C12orf42: variants seen among roughly 807,000 people sequenced by gnomAD.
C12orf42 encodes chromosome 12 open reading frame 42.
A neutral mutation model predicts 21.6 loss-of-function variants in C12orf42; 25 were observed. The observed-to-expected ratio is 1.16, with a 90% CI of 0.84 to 1.62. C12orf42 has a LOEUF of 1.62. C12orf42 is among the 40% of genes most tolerant of loss of function. C12orf42 has a pLI of 0.00. For synonymous variants in C12orf42, 174 were observed against 175.0 expected, an observed-to-expected ratio of 0.99 and a Z score of 0.05; for missense variants, 483 against 459.3, an observed-to-expected ratio of 1.05 and a Z score of -0.47.
chr12:103,296,456 G>T (rs2037294342), intron 4 of C12orf42, among the ~76,000 whole-genome samples: 1 of 152,162 alleles, frequency 6.6e-6, no homozygotes, highest in African/African-American at 2.4e-5. Context: ...CACAATGGTT[G>T]AACTAGCTTA....
chr12:103,147,503 CTTT>C, the C12orf42 span, among the ~76,000 whole-genome samples: 15 of 99,978 alleles, frequency 1.5e-4, no homozygotes, highest in Admixed American at 3.2e-4. Context: ...CTTTTTTTTT[CTTT>C]TTTTTTTTTT....
At chr12:103,303,670 TC>T (rs2037985371) in intron 5 of C12orf42, among the ~76,000 whole-genome samples, 1 of 152,204 alleles carries the variant, frequency 6.6e-6, no homozygotes, top group Non-Finnish European at 1.5e-5. Context: ...CGAACTCTGT[TC>T]TATGCCTAGT....
intron 10 of C12orf42, among the ~76,000 whole-genome samples, chr12:103,246,167 C>T (rs183334029): frequency 1.3e-3 from 194 of 152,122 alleles, no homozygotes; most frequent in Admixed American, 1.6e-3. Context: ...TCATAGTAAA[C>T]GGAAATAAAC....
intron 2 of C12orf42, among the ~76,000 whole-genome samples, chr12:103,404,495 A>C (rs879496742): frequency 2.0e-5 from 3 of 152,234 alleles, no homozygotes; most frequent in Admixed American, 1.3e-4. Flanking sequence ...GAAGGTTGCT[A>C]AATGAAAGCA....
At chr12:103,156,825 A>C in the C12orf42 span, among the ~76,000 whole-genome samples, 10 of 152,194 alleles carry the variant, frequency 6.6e-5, no homozygotes, top group African/African-American at 2.4e-4. Context: ...TCATGGCTGC[A>C]TAGTATTCCA....
At chr12:103,351,782 C>T (rs2043119513) in intron 4 of C12orf42, among the ~76,000 whole-genome samples, 2 of 152,248 alleles carry the variant, frequency 1.3e-5, no homozygotes, top group Non-Finnish European at 1.5e-5. Flanking sequence ...TAAATTTTAA[C>T]TGGTGTCCAA....
chr12:103,161,952 T>G, the C12orf42 span, among the ~76,000 whole-genome samples: 1 of 152,304 alleles, frequency 6.6e-6, no homozygotes, highest in Non-Finnish European at 1.5e-5. Flanking sequence ...TGTTTTCCCC[T>G]CTCGCACTCT....
downstream of C12orf42, among the ~76,000 whole-genome samples, chr12:103,266,146 A>G (rs1021816386): frequency 6.6e-6 from 1 of 152,136 alleles, no homozygotes; most frequent in Admixed American, 6.6e-5. Flanking sequence ...CATTTTCTTA[A>G]AGTGTATTAT....
the C12orf42 span, among the ~76,000 whole-genome samples, chr12:103,086,375 A>T: frequency 1.4e-5 from 2 of 146,350 alleles, no homozygotes; most frequent in African/African-American, 4.9e-5. Context: ...GTTTAAGATG[A>T]AAAAAAAAGA....
the C12orf42 span, among the ~76,000 whole-genome samples, chr12:103,553,418 A>G: frequency 6.6e-6 from 1 of 152,160 alleles, no homozygotes; most frequent in African/African-American, 2.4e-5. Context: ...AAACAAGGAA[A>G]CAGCTTCTCT....
chr12:103,281,819 C>T (rs1014060453), intron 4 of C12orf42, among the ~76,000 whole-genome samples: 2 of 149,648 alleles, frequency 1.3e-5, no homozygotes, highest in African/African-American at 2.5e-5. Context: ...TTGTTTCCTG[C>T]TAGTGTGAAA....
the C12orf42 span, among the ~76,000 whole-genome samples, chr12:103,534,879 T>C: frequency 1.3e-5 from 2 of 152,210 alleles, no homozygotes; most frequent in Non-Finnish European, 2.9e-5. Flanking sequence ...ATAATGTCTT[T>C]CCCTGGGGTA....
the C12orf42 span, among the ~76,000 whole-genome samples, chr12:103,199,869 T>C: frequency 2.6e-5 from 4 of 152,162 alleles, no homozygotes; most frequent in Non-Finnish European, 5.9e-5. Flanking sequence ...GGAACCCTTT[T>C]ACAATGTTAA....
chr12:103,521,324 G>A, the C12orf42 span, among the ~76,000 whole-genome samples: 1 of 152,184 alleles, frequency 6.6e-6, no homozygotes, highest in Non-Finnish European at 1.5e-5. Context: ...ACTGGATTAA[G>A]AGGTGCCATC....
intron 1 of C12orf42, among the ~76,000 whole-genome samples, chr12:103,490,092 C>A (rs1004547841): frequency 2.6e-5 from 4 of 152,158 alleles, no homozygotes; most frequent in African/African-American, 9.7e-5. Flanking sequence ...GAACAGGAAC[C>A]CAAACTATGT....
the C12orf42 span, among the ~76,000 whole-genome samples, chr12:103,072,253 G>T: frequency 6.6e-6 from 1 of 152,066 alleles, no homozygotes; most frequent in African/African-American, 2.4e-5. Flanking sequence ...TTAAAAAATA[G>T]TAACAGAGTC....
At chr12:103,538,966 G>A in the C12orf42 span, among the ~76,000 whole-genome samples, 5 of 152,252 alleles carry the variant, frequency 3.3e-5, no homozygotes, top group African/African-American at 9.6e-5. Flanking sequence ...AGGGGGAGGA[G>A]TACTTCTTTA....
At chr12:103,091,958 T>C in the C12orf42 span, among the ~76,000 whole-genome samples, 7 of 152,222 alleles carry the variant, frequency 4.6e-5, no homozygotes, top group African/African-American at 1.7e-4. Flanking sequence ...GCAGGTTGAC[T>C]GTCATCACAA....
At chr12:103,292,858 C>A (rs1185664307) in intron 4 of C12orf42, among the ~76,000 whole-genome samples, 1 of 151,966 alleles carries the variant, frequency 6.6e-6, no homozygotes, top group Non-Finnish European at 1.5e-5. Context: ...GCAGCTTTTT[C>A]TCTTCTTTAA....
Sources: allele counts gnomAD v4.1 joint callset (sites outside exome capture counted in the v4.1 genomes callset), GRCh38; gene constraint gnomAD v4.1.1; transcripts MANE v1.5; gene names NCBI Gene and HGNC (gene_info 2026-07-23, HGNC 2026-07-21).